FAM210B: variants seen among roughly 807,000 people sequenced by gnomAD.
FAM210B encodes the protein family with sequence similarity 210 member B.
In FAM210B, 11 loss-of-function variants were observed where a neutral mutation model predicts 14.9. That is an observed-to-expected ratio of 0.74 (90% CI 0.46 to 1.22). The LOEUF (loss-of-function observed/expected upper bound fraction) is 1.22. Ranked by LOEUF, FAM210B falls within the 50% of genes most tolerant of loss-of-function variation. The probability of loss-of-function intolerance (pLI) is 0.00; values close to 1 mark genes in which losing one functional copy is unlikely to be tolerated. For missense variants in FAM210B, 229 were observed against 250.1 expected, an observed-to-expected ratio of 0.92 and a Z score of 0.57; for synonymous variants, 113 against 110.2, an observed-to-expected ratio of 1.03 and a Z score of -0.16.
intron 2 of FAM210B, among the ~76,000 whole-genome samples, chr20:56,365,649 T>G (rs1184157121): frequency 6.6e-6 from 1 of 152,100 alleles, no homozygotes; most frequent in Non-Finnish European, 1.5e-5. Flanking sequence ...GGGACTACAG[T>G]CGCATGCCAC....
Position 56,359,020 on chromosome 20 carries a change from G to A in FAM210B, c.15G>A (p.Leu5=), listed in dbSNP as rs894076355. 4.5e-6 allele frequency: 6 copies of A among 1,333,466 alleles called. No homozygotes were observed. In the African/African-American group the frequency reaches 4.6e-5, roughly 10 times the overall value. 82.6% of individuals were successfully genotyped at this position (1,333,466 alleles called of 1,614,324 possible). MAGL[L]ALLGPAGRVG... ...AGCTGCGCACCATGGCCGGGTTGCT[G>A]GCGTTGCTGGGTCCGGCAGGCAGGG... Residue 5 remains leucine (L), a synonymous_variant, in exon 1 of 3, where the codon CTG becomes CTA. Transcript: ENST00000371384. The surrounding 1 kb of genome is among the most constrained non-coding windows in gnomAD (Gnocchi z 4.3).
Position 56,366,376 on chromosome 20 carries a change from C to A in FAM210B, c.*89C>A. On this transcript the variant is annotated 3_prime_UTR_variant, in exon 3 of 3. Transcript: ENST00000371384. ...TTAGGGTTTTAGGGTTGTAGGGTTT[C>A]TTTTGGAGAGGTAGGGGGCTAATTG... 2 of 1,312,520 alleles carry A rather than the reference C, an allele frequency of 1.5e-6. No homozygotes were observed. Among genetic ancestry groups the A allele is most frequent in the Non-Finnish European group, 2.1e-6 (2 of 933,732 alleles). 81.3% of individuals were successfully genotyped at this position (1,312,520 alleles called of 1,614,324 possible).
Position 56,368,057 on chromosome 20 carries a change from T to G in FAM210B, c.*1770T>G, listed in dbSNP as rs1320236945. On this transcript the variant is annotated 3_prime_UTR_variant, in exon 3 of 3. Transcript: ENST00000371384. ...CCACTAACATATCCAAGAATCTTTG[T>G]AGGACAATTTCTCCACCTGCAAGGT... 1 of 152,618 alleles carries G rather than the reference T, an allele frequency of 6.6e-6. No individual in the cohort carries two copies. Among genetic ancestry groups the G allele is most frequent in the East Asian group, 1.9e-4 (1 of 5,192 alleles). 9.5% of individuals were successfully genotyped at this position (152,618 alleles called of 1,614,324 possible). A position where few individuals can be genotyped will look rare whatever the true frequency, so the allele number is the denominator to read the frequency against.
chr20:56,361,947 A>C (rs1983540635), intron 1 of FAM210B, among the ~76,000 whole-genome samples: 1 of 152,176 alleles, frequency 6.6e-6, no homozygotes, highest in African/African-American at 2.4e-5. Context: ...ACTCCACTCC[A>C]GCCTGGACGA....
chr20:56,366,486 T>C lies in FAM210B; in HGVS notation c.*199T>C. On this transcript the variant is annotated 3_prime_UTR_variant, in exon 3 of 3. Transcript: ENST00000371384. ...TTTGCCTCATAAATTTTGTGAATGC[T>C]ATTCATTATAGGGCTTGTATATATA... The C allele has an allele frequency of 1.7e-6, 1 of 586,268 alleles. No homozygotes were observed. Among genetic ancestry groups the C allele is most frequent in the Non-Finnish European group, 3.0e-6 (1 of 333,154 alleles). The allele number at this position is 586,268 out of a possible 1,614,324, so 36.3% of individuals were successfully genotyped here.
Position 56,363,392 on chromosome 20 carries a change from C to T in FAM210B, c.187-1695C>T, listed in dbSNP as rs538896452. On this transcript the variant is annotated intron_variant, in intron 1 of 2. Transcript: ENST00000371384. The surrounding 1 kb of genome is among the most constrained non-coding windows in gnomAD (Gnocchi z 4.1). ...AAATGACGCCTTTGAAGTGGAAGCT[C>T]AACTCCTGGCTCAGCAGAAGGGACC... is the stretch of plus-strand genomic sequence containing the variant. Among the ~76,000 whole-genome samples the T allele has an allele frequency of 1.3e-5, 2 of 152,290 alleles. No individual in the cohort carries two copies. Among genetic ancestry groups the T allele is most frequent in the African/African-American group, 4.8e-5 (2 of 41,560 alleles).
chr20:56,365,867 C>G (rs1056448550), intron 2 of FAM210B, among the ~76,000 whole-genome samples: 31 of 151,204 alleles, frequency 2.1e-4, no homozygotes, highest in Admixed American at 1.8e-3. Flanking sequence ...TGGTCTTGAA[C>G]TCCTGAGCTC....
rs760987026 is a variant in FAM210B at position 56,366,325 on chromosome 20, T to C, written c.*38T>C. ...TCGTACACACTGAAAACCTATTTCT[T>C]CTAAATTACATGATTTGGATTGGTT... On this transcript the variant is annotated 3_prime_UTR_variant, in exon 3 of 3. Coordinates refer to ENST00000371384, the MANE Select transcript of FAM210B (RefSeq NM_080821.3). 1.6e-5 allele frequency: 25 copies of C among 1,593,224 alleles called. No homozygotes were observed. The Admixed American group carries it at 4.2e-4, about 27-fold the overall frequency.
At chr20:56,361,861 C>CA (rs1412832574) in intron 1 of FAM210B, among the ~76,000 whole-genome samples, 4 of 152,162 alleles carry the variant, frequency 2.6e-5, no homozygotes, top group Admixed American at 2.6e-4. Flanking sequence ...CCTGTAGTCC[C>CA]AGCTTCTCGG....
At chr20:56,364,091 A>G (rs1324219802) in intron 1 of FAM210B, among the ~76,000 whole-genome samples, 2 of 152,160 alleles carry the variant, frequency 1.3e-5, no homozygotes, top group African/African-American at 2.4e-5. Context: ...ATAAAGGATC[A>G]TTGTCCCCAA....
intron 1 of FAM210B, among the ~76,000 whole-genome samples, chr20:56,361,122 G>A (rs1203057763): frequency 6.6e-6 from 1 of 152,198 alleles, no homozygotes; most frequent in Non-Finnish European, 1.5e-5. Context: ...GCCTGCCTGT[G>A]CCACTTATTC....
intron 1 of FAM210B, among the ~76,000 whole-genome samples, chr20:56,361,870 G>A (rs924309624): frequency 6.6e-6 from 1 of 152,050 alleles, no homozygotes; most frequent in South Asian, 2.1e-4. Flanking sequence ...CCAGCTTCTC[G>A]GGAGGCTGAG....
At chr20:56,365,974 TTA>T in intron 2 of FAM210B, 95 bp from the exon 3 acceptor site, 1 of 833,816 alleles carries the variant, frequency 1.2e-6, no homozygotes, top group Non-Finnish European at 1.7e-6. Context: ...AGCTACTTCA[TTA>T]CATTTTTTAA....
chr20:56,359,177 T>C lies in FAM210B; in HGVS notation c.172T>C (p.Cys58Arg). 1 of 1,236,582 alleles carries C rather than the reference T, an allele frequency of 8.1e-7. No individual in the cohort carries two copies. The highest frequency in any genetic ancestry group is 1.0e-6 in the Non-Finnish European group (1 of 993,394). The allele number at this position is 1,236,582 out of a possible 1,614,324, so 76.6% of individuals were successfully genotyped here. A position where few individuals can be genotyped will look rare whatever the true frequency, so the allele number is the denominator to read the frequency against. Residue 58 changes from cysteine to arginine, a missense_variant, in exon 1 of 3, where the codon TGC (cysteine) becomes CGC (arginine). Physicochemically the swap from Cys to Arg is radical, Grantham distance 180. Around this residue, in one of 3 missense-constraint regions of FAM210B, gnomAD observed 144 missense variants for 132.5 expected, o/e 1.09. Coordinates refer to ENST00000371384, the MANE Select transcript of FAM210B (RefSeq NM_080821.3). This position sits in a 1 kb window ranked among gnomAD's most constrained non-coding sequence, Gnocchi z 4.3. ...GCTGCTCCGCACGGCGCGCGGGGAC[T>C]GCCGCGGCCACCAGGTAAGCACCCC... ...ARLLRTARGD[C>R]RGHQDPSQAT...
chr20:56,364,471 T>C (rs1181001798), intron 1 of FAM210B, among the ~76,000 whole-genome samples: 1 of 152,226 alleles, frequency 6.6e-6, no homozygotes, highest in Non-Finnish European at 1.5e-5. Flanking sequence ...TTGGTAATAA[T>C]GTAGCCCAGG....
chr20:56,365,017 G>A (rs966634618), intron 1 of FAM210B, 70 bp from the exon 2 acceptor site: 11 of 1,432,398 alleles, frequency 7.7e-6, no homozygotes, highest in African/African-American at 1.4e-5. Context: ...CATTGCATGC[G>A]TGTATAAAAG....
In FAM210B at chr20:56,366,568, T is replaced by C. The variant is rs1244946024; in HGVS notation, c.*281T>C. The C allele has an allele frequency of 1.2e-5, 4 of 322,830 alleles. No homozygotes were observed. In the East Asian group the frequency reaches 2.8e-4, roughly 23 times the overall value. 20.0% of individuals were successfully genotyped at this position (322,830 alleles called of 1,614,324 possible). On this transcript the variant is annotated 3_prime_UTR_variant, in exon 3 of 3. Transcript: ENST00000371384. Reference sequence around the variant, plus strand: ...GTTAACATCTCAAAACAAAATAGCCTACAAATGTTCCTTGTGGGAGACTTT... The same window carrying C: ...GTTAACATCTCAAAACAAAATAGCCCACAAATGTTCCTTGTGGGAGACTTT...
At position 56,368,002 on chromosome 20, in the gene FAM210B, T is replaced by A. The variant is rs557293763; in HGVS notation, c.*1715T>A. ...AGATCAGGTTGTTGACAGTTCCTGGTTGACCCACAGCTACCCATGTCAGTT... is the reference window on the plus strand; with the variant it reads ...AGATCAGGTTGTTGACAGTTCCTGGATGACCCACAGCTACCCATGTCAGTT... On this transcript the variant is annotated 3_prime_UTR_variant, in exon 3 of 3. Coordinates refer to ENST00000371384, the MANE Select transcript of FAM210B (RefSeq NM_080821.3). The A allele has an allele frequency of 1.3e-5, 2 of 152,442 alleles. No homozygotes were observed. The highest frequency in any genetic ancestry group is 1.3e-4 in the Admixed American group (2 of 15,280). The allele number at this position is 152,442 out of a possible 1,614,324, so 9.4% of individuals were successfully genotyped here.
Position 56,363,856 on chromosome 20 carries a change from A to G in FAM210B, c.187-1231A>G, listed in dbSNP as rs1346608380. On this transcript the variant is annotated intron_variant, in intron 1 of 2. Coordinates refer to ENST00000371384, the MANE Select transcript of FAM210B (RefSeq NM_080821.3). This position sits in a 1 kb window ranked among gnomAD's most constrained non-coding sequence, Gnocchi z 4.1. ...CTTTTGCTGCATTAATTTTGTGCGC[A>G]CCGTCCTTTTTTGATGGCATATAAC... Among the ~76,000 whole-genome samples the G allele has an allele frequency of 2.0e-5, 3 of 152,152 alleles. No individual in the cohort carries two copies. The highest frequency in any genetic ancestry group is 7.2e-5 in the African/African-American group (3 of 41,406).
Sources: allele counts gnomAD v4.1 joint callset (sites outside exome capture counted in the v4.1 genomes callset), GRCh38; gene constraint gnomAD v4.1.1; regional missense constraint gnomAD v4.1.1; non-coding constraint Gnocchi (gnomAD v3.1); transcripts MANE v1.5; gene names NCBI Gene and HGNC (gene_info 2026-07-23, HGNC 2026-07-21).